Variants in HDAC4 observed in about 807,000 individuals in gnomAD.
HDAC4 encodes histone deacetylase 4, also known as histone deacetylase A.
A neutral mutation model predicts 135.1 loss-of-function variants in HDAC4; 16 were observed. The ratio of observed to expected loss-of-function variants is 0.12; its 90% CI spans 0.08 to 0.18. The LOEUF is 0.18. Ranked by LOEUF, HDAC4 falls within the 10% of genes least tolerant of loss-of-function variation. The probability of loss-of-function intolerance (pLI) is 1.00; values close to 1 mark genes in which losing one functional copy is unlikely to be tolerated. For synonymous variants in HDAC4, 685 were observed against 653.4 expected, an observed-to-expected ratio of 1.05 and a Z score of -0.74; for missense variants, 1,143 against 1,511.8, an observed-to-expected ratio of 0.76 and a Z score of 4.05.
intron 18 of HDAC4, 133 bp from the exon 19 acceptor site, chr2:239,087,747 A>C: frequency 1.2e-6 from 1 of 827,844 alleles, no homozygotes; most frequent in Non-Finnish European, 2.0e-6. Flanking sequence ...CACCCTGGCC[A>C]CAGTGATGGG....
rs2030929967 is a variant in HDAC4, at chr2:239,052,031, T to A, written c.*1066A>T. On this transcript the variant is annotated 3_prime_UTR_variant, in exon 27 of 27. Transcript: ENST00000543185. ...TTGCTTTTAATAAAAAGCATTCCGA[T>A]CGTAACACTGCAAGTGTGCCTACCA... 1 of 152,582 alleles carries A rather than the reference T, an allele frequency of 6.6e-6. No homozygotes were observed. The highest frequency in any genetic ancestry group is 1.5e-5 in the Non-Finnish European group (1 of 68,032). 9.5% of individuals were successfully genotyped at this position (152,582 alleles called of 1,614,324 possible).
At chr2:239,154,704 A>G (rs540992799) in intron 7 of HDAC4, 1 of 152,178 alleles carries the variant, frequency 6.6e-6, no homozygotes, top group Non-Finnish European at 1.5e-5. Context: ...TGTAAGAATC[A>G]GCCCACAGAT....
At chr2:239,296,342 C>G (rs1273360186) in intron 2 of HDAC4, among the ~76,000 whole-genome samples, 2 of 152,248 alleles carry the variant, frequency 1.3e-5, no homozygotes, top group East Asian at 1.9e-4. Context: ...GGACCAGGGT[C>G]TCTGCAGACA....
At chr2:239,347,920 C>T (rs576007753) in intron 2 of HDAC4, among the ~76,000 whole-genome samples, 4 of 151,624 alleles carry the variant, frequency 2.6e-5, no homozygotes, top group Admixed American at 2.0e-4. Flanking sequence ...AGCTTCCTAT[C>T]GAGAGCATCA....
At position 239,160,359 on chromosome 2, in the gene HDAC4, C is replaced by T. The variant is rs187561646; in HGVS notation, c.611+3444G>A. On this transcript the variant is annotated intron_variant, in intron 6 of 26. Transcript: ENST00000543185. ...CGGACCCAGCCACGTTTCAAGTGCT[C>T]GGGAGCCACGTGTGGCTTGTGGCAG... 4.7e-3 allele frequency among the ~76,000 whole-genome samples: 714 copies of T among 152,288 alleles called. 3 individuals carry two copies. Among genetic ancestry groups the T allele is most frequent in the Non-Finnish European group, 7.8e-3 (533 of 68,016 alleles).
At chr2:239,346,019 C>T (rs1692623101) in intron 2 of HDAC4, among the ~76,000 whole-genome samples, 1 of 146,976 alleles carries the variant, frequency 6.8e-6, no homozygotes, top group South Asian at 2.2e-4. Flanking sequence ...CTCACACACA[C>T]ATCCTAACAC....
chr2:239,334,836 C>T (rs375377670), intron 2 of HDAC4, among the ~76,000 whole-genome samples: 16 of 152,068 alleles, frequency 1.1e-4, no homozygotes, highest in African/African-American at 3.6e-4. Flanking sequence ...TCCTGGCTAA[C>T]ACGGTGAAAC....
intron 3 of HDAC4, among the ~76,000 whole-genome samples, chr2:239,204,734 C>G (rs1344068281): frequency 1.3e-5 from 2 of 152,176 alleles, no homozygotes; most frequent in African/African-American, 4.8e-5. Context: ...GGGAATGGGT[C>G]AGGTTTCAAC....
intron 17 of HDAC4, chr2:239,091,499 T>C (rs896692358): frequency 6.6e-6 from 1 of 152,280 alleles, no homozygotes; most frequent in African/African-American, 2.4e-5. Flanking sequence ...TGAGCCCCTC[T>C]GAGCGCCGAG....
chr2:239,345,832 C>T (rs2125888859), intron 2 of HDAC4, among the ~76,000 whole-genome samples: 1 of 149,242 alleles, frequency 6.7e-6, no homozygotes. Flanking sequence ...AATACACACC[C>T]CCGTCTCACA....
chr2:239,232,248 G>A (rs2047617679), intron 3 of HDAC4, among the ~76,000 whole-genome samples: 1 of 152,258 alleles, frequency 6.6e-6, no homozygotes, highest in Admixed American at 6.5e-5. Flanking sequence ...ACAAATGACT[G>A]AGTAGTAATA....
intron 4 of HDAC4, among the ~76,000 whole-genome samples, chr2:239,184,879 T>TG (rs545753039): frequency 1.3e-5 from 1 of 76,086 alleles, no homozygotes; most frequent in African/African-American, 5.0e-5. Context: ...ATGTATCCTA[T>TG]GGGGGGGTCC....
rs146139175 is a variant in HDAC4, at chr2:239,311,690, T to C, written c.22+40988A>G. Among the ~76,000 whole-genome samples the C allele has an allele frequency of 1.2e-3, 188 of 152,262 alleles. 1 individual carries two copies. The highest frequency in any genetic ancestry group is 4.1e-3 in the African/African-American group (172 of 41,552). On this transcript the variant is annotated intron_variant, in intron 2 of 26. Coordinates refer to ENST00000543185, the MANE Select transcript of HDAC4 (RefSeq NM_001378414.1). ...ACTCCGTTTCTCACAAAACTTCAAG[T>C]TTCTGTTCTACGCAAACATTACAAC...
At chr2:239,175,083 G>A (rs745739476) in intron 5 of HDAC4, among the ~76,000 whole-genome samples, 1 of 152,182 alleles carries the variant, frequency 6.6e-6, no homozygotes, top group Non-Finnish European at 1.5e-5. Flanking sequence ...TGAGGAAAAT[G>A]TATACCTCGA....
chr2:239,094,702 C>G, intron 17 of HDAC4: 4 of 1,242,066 alleles, frequency 3.2e-6, no homozygotes, highest in Non-Finnish European at 4.1e-6. Context: ...GAGCAGATTA[C>G]TGCCACAGAC....
chr2:239,121,543 G>A (rs1043034797), intron 12 of HDAC4, among the ~76,000 whole-genome samples: 2 of 152,232 alleles, frequency 1.3e-5, no homozygotes, highest in Non-Finnish European at 2.9e-5. Context: ...GCTGCCAGGG[G>A]CCGCATCTCT....
At position 239,191,840 on chromosome 2, in the gene HDAC4, G is replaced by C. The variant is rs2044981550; in HGVS notation, c.95-1763C>G. On this transcript the variant is annotated intron_variant, in intron 3 of 26. Transcript: ENST00000543185. ...GCCTCAGGCCACGAAGACCAGCTCA[G>C]GCCACTTTCCTGGACAGTGAAAAGA... Among the ~76,000 whole-genome samples, 4 of 152,226 alleles carry C rather than the reference G, an allele frequency of 2.6e-5. No homozygotes were observed. In the South Asian group the frequency reaches 8.3e-4, roughly 31 times the overall value.
chr2:239,336,565 C>T (rs545861827), intron 2 of HDAC4, among the ~76,000 whole-genome samples: 2 of 152,278 alleles, frequency 1.3e-5, no homozygotes, highest in African/African-American at 4.8e-5. Flanking sequence ...GCTAAAGTAA[C>T]TACAGTATAC....
Position 239,167,363 on chromosome 2 carries a change from G to A in HDAC4, c.491-3440C>T, listed in dbSNP as rs971014455. 2.0e-5 allele frequency among the ~76,000 whole-genome samples: 3 copies of A among 152,218 alleles called. No individual in the cohort carries two copies. Among genetic ancestry groups the A allele is most frequent in the Non-Finnish European group, 4.4e-5 (3 of 68,040 alleles). On this transcript the variant is annotated intron_variant, in intron 5 of 26. Transcript: ENST00000543185. The surrounding 1 kb of genome is among the most constrained non-coding windows in gnomAD (Gnocchi z 4.1). ...TGACTTGGCCACAAGCCTGGGTCCT[G>A]CCTGGCTCCCTCTATGCAGGGCTGG...
Sources: gnomAD v4.1 joint callset for allele counts (sites outside exome capture counted in the v4.1 genomes callset) on GRCh38, gnomAD v4.1.1 for gene constraint, Gnocchi (gnomAD v3.1) non-coding constraint, MANE v1.5 for transcripts, NCBI Gene and HGNC (gene_info 2026-07-23, HGNC 2026-07-21) for gene names.